The following PER2 variants were observed in gnomAD, a reference collection of about 807,000 sequenced individuals.
The protein encoded by PER2 is period circadian regulator 2.
In PER2, 66 loss-of-function variants were observed where a neutral mutation model predicts 121.0. The observed-to-expected ratio is 0.55, with a 90% CI of 0.45 to 0.67. The LOEUF (loss-of-function observed/expected upper bound fraction) is 0.67, where lower values mean the gene tolerates loss of function less well. Ranked by LOEUF, PER2 falls within the 30% of genes least tolerant of loss-of-function variation. PER2 has a pLI of 0.00. For synonymous variants in PER2, 684 were observed against 659.9 expected (o/e 1.04, Z -0.56); for missense variants, 1,521 against 1,635.0 (o/e 0.93, Z 1.20).
rs765379817 is a variant in PER2 at position 238,253,103 on chromosome 2, C to T, written c.2920G>A (p.Gly974Ser). ...ATRATPPSAM[G>S]RASPPLFQSR... ...TGAAAGAGCGGTGGGGAGGCCCTAC[C>T]CATGGCCGATGGTGGGGTGGCCCGG... is the stretch of plus-strand genomic sequence containing the variant. The change falls in exon 19 of 23, where the codon GGT becomes AGT. Residue 974 changes from glycine (G) to serine (S), a missense_variant. Gly to Ser is a moderately conservative substitution (Grantham distance 56). Transcript: ENST00000254657. The surrounding 1 kb of genome is among the most constrained non-coding windows in gnomAD (Gnocchi z 5.6). 4 of 1,606,706 alleles carry T rather than the reference C, an allele frequency of 2.5e-6. No individual in the cohort carries two copies. In the East Asian group the frequency reaches 9.0e-5, roughly 36 times the overall value.
intron 14 of PER2, among the ~76,000 whole-genome samples, 198 bp from the exon 15 acceptor site, chr2:238,258,842 T>TG (rs34677574): frequency 0.01 from 1,562 of 151,094 alleles, 29 homozygotes; most frequent in African/African-American, 0.036. Flanking sequence ...CAGAGAGACC[T>TG]GGGGGGGGAG....
chr2:238,249,534 G>A (rs1695542660), intron 21 of PER2, among the ~76,000 whole-genome samples: 1 of 152,206 alleles, frequency 6.6e-6, no homozygotes, highest in Admixed American at 6.5e-5. Context: ...CAGCAGGACG[G>A]CATTCCCCTG....
chr2:238,292,503 C>T (rs1004607781), upstream of PER2, among the ~76,000 whole-genome samples: 1 of 152,146 alleles, frequency 6.6e-6, no homozygotes, highest in South Asian at 2.1e-4. Flanking sequence ...AGCTAGGACC[C>T]GCATTTGATG....
At chr2:238,293,419 A>G (rs187219642), upstream of PER2, among the ~76,000 whole-genome samples, 19 of 152,300 alleles carry the variant, frequency 1.2e-4, no homozygotes, top group East Asian at 3.5e-3. Context: ...AAAATTTGCT[A>G]TCATGTCACT....
intron 1 of PER2, among the ~76,000 whole-genome samples, chr2:238,280,373 T>A (rs1298850221): frequency 6.6e-6 from 1 of 152,172 alleles, no homozygotes; most frequent in Admixed American, 6.5e-5. Context: ...GTTCACAAAC[T>A]AATAAACAGA....
At chr2:238,262,879 C>G in intron 10 of PER2, 73 bp downstream of exon 10, 1 of 1,035,608 alleles carries the variant, frequency 9.7e-7, no homozygotes, top group East Asian at 2.5e-5. Context: ...CTAGACTGGT[C>G]CCAAGAAGCA....
intron 10 of PER2, 86 bp from the exon 11 acceptor site, chr2:238,262,430 C>G (rs1185643116): frequency 7.3e-7 from 1 of 1,366,990 alleles, no homozygotes; most frequent in Non-Finnish European, 1.0e-6. Context: ...GTCACTCAGG[C>G]CCAGGATCAT....
chr2:238,281,703 C>T (rs537331592), intron 1 of PER2, among the ~76,000 whole-genome samples: 1 of 152,106 alleles, frequency 6.6e-6, no homozygotes, highest in Non-Finnish European at 1.5e-5. Flanking sequence ...CATCAGGTTG[C>T]CAAAAATTAA....
At position 238,260,060 on chromosome 2, in the gene PER2, G is replaced by A. The variant is rs1314489987; in HGVS notation, c.1543-7C>T. 2.3e-6 allele frequency: 3 copies of A among 1,309,976 alleles called. No homozygotes were observed. The highest frequency in any genetic ancestry group is 1.8e-5 in the Admixed American group (1 of 55,350). 81.1% of individuals were successfully genotyped at this position (1,309,976 alleles called of 1,614,324 possible). On this transcript the variant is annotated splice_polypyrimidine_tract_variant and splice_region_variant and intron_variant, in intron 13 of 22. Transcript: ENST00000254657. The stretch of plus-strand genomic sequence containing the variant: ...TACCATTTTTACAAATTTCCTTGAA[G>A]AAAAACAAAATGAACACATTATTCA...
chr2:238,254,133 C>G (rs1021600494), intron 18 of PER2: 1 of 253,344 alleles, frequency 3.9e-6, no homozygotes, highest in Admixed American at 5.2e-5. Flanking sequence ...AATTTATAAG[C>G]ACTGTCACTA....
intron 9 of PER2, among the ~76,000 whole-genome samples, 176 bp downstream of exon 9, chr2:238,265,336 C>T (rs1057167340): frequency 6.6e-6 from 1 of 152,216 alleles, no homozygotes; most frequent in Non-Finnish European, 1.5e-5. Context: ...TCAATTACAC[C>T]ATGTGCATAT....
At chr2:238,289,289 T>A (rs1696898243), upstream of PER2, 1 of 152,200 alleles carries the variant, frequency 6.6e-6, no homozygotes, top group Non-Finnish European at 1.5e-5. Context: ...TCACATTCAT[T>A]CATTTACTCA....
At chr2:238,267,049 TA>T (rs57177821) in intron 8 of PER2, among the ~76,000 whole-genome samples, 11,500 of 104,510 alleles carry the variant, frequency 0.11, 477 homozygotes, top group South Asian at 0.13. Flanking sequence ...CTCCATCTCT[TA>T]AAAAAAAAAA....
upstream of PER2, chr2:238,289,338 A>C (rs891661482): frequency 6.6e-5 from 10 of 152,192 alleles, no homozygotes; most frequent in Non-Finnish European, 1.3e-4. Flanking sequence ...GGAGCAGCCC[A>C]GGAGAAGGTG....
the PER2 span, chr2:238,295,679 G>A: frequency 6.9e-6 from 1 of 144,922 alleles, no homozygotes; most frequent in Non-Finnish European, 1.6e-5. Context: ...ATTGTGAAGA[G>A]CAGCTGGGAG....
chr2:238,256,035 G>T, intron 17 of PER2, 124 bp from the exon 18 acceptor site: 2 of 1,227,780 alleles, frequency 1.6e-6, no homozygotes, highest in Non-Finnish European at 2.3e-6. Flanking sequence ...CCTGTGGCAT[G>T]AGGATGAGAC....
At chr2:238,249,959 TTTC>T (rs1433878667) in intron 21 of PER2, among the ~76,000 whole-genome samples, 1 of 152,210 alleles carries the variant, frequency 6.6e-6, no homozygotes, top group Non-Finnish European at 1.5e-5. Flanking sequence ...ATCTCAGGTA[TTTC>T]TTTACAGCAG....
chr2:238,257,780 C>A (rs1695807400), intron 16 of PER2, among the ~76,000 whole-genome samples: 1 of 152,194 alleles, frequency 6.6e-6, no homozygotes, highest in South Asian at 2.1e-4. Context: ...AGCCGGGGTA[C>A]CATTTCTAAT....
rs774893933 is a variant in PER2, at chr2:238,249,068, G to A, written c.3612C>T (p.Asp1204=). 138 of 1,613,948 alleles carry A rather than the reference G, an allele frequency of 8.6e-5. 1 individual carries two copies. The highest frequency in any genetic ancestry group is 1.5e-4 in the Admixed American group (9 of 60,012). The part of the protein sequence containing the change: ...MQTGGLPAAI[D]VAECVYCENK... ...TCGAGTCCCGTGAGCTTACTGCCAC[G>A]TCGATGGCTGCGGGCAGGCCGCCCG... Residue 1204 remains aspartate, a synonymous_variant, in exon 22 of 23, where the codon GAC becomes GAT. Transcript: ENST00000254657.
Sources: allele counts gnomAD v4.1 joint callset (sites outside exome capture counted in the v4.1 genomes callset), GRCh38; gene constraint gnomAD v4.1.1; non-coding constraint Gnocchi (gnomAD v3.1); transcripts MANE v1.5; gene names NCBI Gene and HGNC (gene_info 2026-07-23, HGNC 2026-07-21).